Variants in LDB2 observed in about 807,000 individuals in gnomAD.
LDB2 encodes the protein LIM domain binding 2.
In LDB2, 12 loss-of-function variants were observed where a neutral mutation model predicts 44.3. The ratio of observed to expected loss-of-function variants is 0.27; its 90% CI spans 0.17 to 0.44. The LOEUF is 0.44. LDB2 is among the 20% of genes least tolerant of loss of function. The probability of loss-of-function intolerance (pLI) is 1.00; values close to 1 mark genes in which losing one functional copy is unlikely to be tolerated. For synonymous variants in LDB2, 164 were observed against 174.8 expected (o/e 0.94, Z 0.49); for missense variants, 344 against 473.5 (o/e 0.73, Z 2.54).
intron 2 of LDB2, among the ~76,000 whole-genome samples, chr4:16,695,198 G>C (rs1254021791): frequency 1.3e-5 from 2 of 152,130 alleles, no homozygotes; most frequent in East Asian, 3.9e-4. Context: ...GGTACCTACA[G>C]TTTTTTGTCA....
intron 1 of LDB2, among the ~76,000 whole-genome samples, chr4:16,820,801 A>G (rs1055042354): frequency 1.3e-5 from 2 of 152,226 alleles, no homozygotes; most frequent in African/African-American, 4.8e-5. Flanking sequence ...TTTTCTGCAC[A>G]GTACATACTC....
chr4:16,812,881 A>C (rs1469642731), intron 1 of LDB2, among the ~76,000 whole-genome samples: 1 of 152,098 alleles, frequency 6.6e-6, no homozygotes, highest in African/African-American at 2.4e-5. Context: ...TTTCCTCATT[A>C]ATCTTCTAAG....
Position 16,814,127 on chromosome 4 carries a change from T to C in LDB2, c.133-54867A>G, listed in dbSNP as rs562902222. 6.2e-3 allele frequency among the ~76,000 whole-genome samples: 950 copies of C among 152,234 alleles called. 8 individuals carry two copies. The highest frequency in any genetic ancestry group is 0.023 in the South Asian group (112 of 4,826). ...CCTCGTGATCCGCCCGCCTCGGCCT[T>C]CCAAAGTGTTGGGATTACAGGCGTG... On this transcript the variant is annotated intron_variant, in intron 1 of 7. Coordinates refer to ENST00000304523, the MANE Select transcript of LDB2 (RefSeq NM_001290.5).
rs1174748092 is a variant in LDB2, at chr4:16,582,020, A to AG, written c.615+3901dup. The stretch of plus-strand genomic sequence containing the variant: ...AGGAAGGGAAGGAAGGAAGGAAGGA[A>AG]GGAAGGAAGGAAGGAAGGAAGGAAG... On this transcript the variant is annotated intron_variant, in intron 5 of 7. Transcript: ENST00000304523. The surrounding 1 kb of genome is among the most constrained non-coding windows in gnomAD (Gnocchi z 4.8). Among the ~76,000 whole-genome samples, 5 of 150,984 alleles carry AG rather than the reference A, an allele frequency of 3.3e-5. No homozygotes were observed. The highest frequency in any genetic ancestry group is 1.2e-4 in the African/African-American group (5 of 41,212).
At chr4:16,832,955 T>C (rs1388362438) in intron 1 of LDB2, among the ~76,000 whole-genome samples, 1 of 152,214 alleles carries the variant, frequency 6.6e-6, no homozygotes, top group Non-Finnish European at 1.5e-5. Context: ...ACTGAGTGCT[T>C]AACACACAGT....
rs866312840 is a variant in LDB2 at position 16,558,433 on chromosome 4, T to C, written c.615+27489A>G. Reference sequence around the variant, plus strand: ...AGAATGCAAAAGCTTCAGGAGCCGATGCGATCAACTGGAAGAAAGGGTATC... The same window carrying C: ...AGAATGCAAAAGCTTCAGGAGCCGACGCGATCAACTGGAAGAAAGGGTATC... On this transcript the variant is annotated intron_variant, in intron 5 of 7. Transcript: ENST00000304523. Among the ~76,000 whole-genome samples the C allele has an allele frequency of 4.6e-5, 7 of 152,180 alleles. No homozygotes were observed. The South Asian group carries it at 1.2e-3, about 27-fold the overall frequency.
At position 16,621,460 on chromosome 4, in the gene LDB2, C is replaced by T. The variant is rs116729156; in HGVS notation, c.236-25585G>A. 8.1e-3 allele frequency among the ~76,000 whole-genome samples: 1,237 copies of T among 152,308 alleles called. 21 individuals carry two copies. The highest frequency in any genetic ancestry group is 0.028 in the African/African-American group (1,173 of 41,560). On this transcript the variant is annotated intron_variant, in intron 2 of 7. Coordinates refer to ENST00000304523, the MANE Select transcript of LDB2 (RefSeq NM_001290.5). ...GTCGAGAAGATAAAAATTGCCTCCA[C>T]CTCACGTGATCATAAAGGCAAGTTA... is the stretch of plus-strand genomic sequence containing the variant.
At chr4:16,636,289 C>T (rs1486825211) in intron 2 of LDB2, among the ~76,000 whole-genome samples, 7 of 152,282 alleles carry the variant, frequency 4.6e-5, no homozygotes, top group East Asian at 3.9e-4. Flanking sequence ...GAAAACCACA[C>T]AAATGTGTGG....
At chr4:16,597,900 C>T (rs1721445960) in intron 2 of LDB2, among the ~76,000 whole-genome samples, 1 of 152,136 alleles carries the variant, frequency 6.6e-6, no homozygotes. Flanking sequence ...GTAGTAAATA[C>T]ACTTAAAGAG....
intron 1 of LDB2, among the ~76,000 whole-genome samples, chr4:16,833,927 C>G (rs895021899): frequency 1.3e-5 from 2 of 152,196 alleles, no homozygotes; most frequent in African/African-American, 4.8e-5. Flanking sequence ...GATCTTTGTA[C>G]TTGCTCTCTT....
At chr4:16,520,723 G>T (rs991610172) in intron 5 of LDB2, among the ~76,000 whole-genome samples, 1 of 152,118 alleles carries the variant, frequency 6.6e-6, no homozygotes, top group African/African-American at 2.4e-5. Context: ...TTTCACTTTT[G>T]AGGCTGTTGG....
chr4:16,798,222 G>A (rs932903623), intron 1 of LDB2, among the ~76,000 whole-genome samples: 2 of 151,918 alleles, frequency 1.3e-5, no homozygotes, highest in African/African-American at 4.8e-5. Context: ...CTTTTTGAGG[G>A]CTTTCCATGT....
At chr4:16,884,207 A>T (rs1720991224) in intron 1 of LDB2, among the ~76,000 whole-genome samples, 1 of 152,230 alleles carries the variant, frequency 6.6e-6, no homozygotes, top group South Asian at 2.1e-4. Flanking sequence ...ATACTGACTG[A>T]ATCCGTACTA....
chr4:16,621,175 C>T (rs1203106284), intron 2 of LDB2, among the ~76,000 whole-genome samples: 1 of 152,164 alleles, frequency 6.6e-6, no homozygotes, highest in Non-Finnish European at 1.5e-5. Context: ...AACGGGGGAG[C>T]ATATCTCTGA....
intron 5 of LDB2, among the ~76,000 whole-genome samples, chr4:16,555,104 T>G (rs1413205539): frequency 1.3e-5 from 2 of 151,846 alleles, no homozygotes; most frequent in African/African-American, 4.8e-5. Flanking sequence ...GGTTTTTTTT[T>G]TTTTTTTGAA....
intron 5 of LDB2, among the ~76,000 whole-genome samples, chr4:16,516,111 C>T (rs1410594052): frequency 1.3e-5 from 2 of 151,690 alleles, no homozygotes; most frequent in Admixed American, 6.6e-5. Flanking sequence ...ATGATCTGCC[C>T]ACCTCGACCT....
intron 2 of LDB2, among the ~76,000 whole-genome samples, chr4:16,608,813 A>C (rs2152460469): frequency 6.6e-6 from 1 of 152,246 alleles, no homozygotes; most frequent in East Asian, 1.9e-4. Context: ...TGACAGGGAG[A>C]GAGGAACACC....
intron 2 of LDB2, among the ~76,000 whole-genome samples, chr4:16,604,601 T>C (rs917758021): frequency 2.6e-5 from 4 of 151,420 alleles, no homozygotes. Context: ...GCATTCTTTT[T>C]TCTCCTTGAT....
chr4:16,585,891 C>A (rs755591946), intron 5 of LDB2, 31 bp downstream of exon 5: 2 of 1,577,092 alleles, frequency 1.3e-6, no homozygotes, highest in African/African-American at 2.7e-5. Flanking sequence ...TTCAAACTCA[C>A]CAAAAAATAA....
Sources: gnomAD v4.1 joint callset for allele counts (sites outside exome capture counted in the v4.1 genomes callset) on GRCh38, gnomAD v4.1.1 for gene constraint, Gnocchi (gnomAD v3.1) non-coding constraint, MANE v1.5 for transcripts, NCBI Gene and HGNC (gene_info 2026-07-23, HGNC 2026-07-21) for gene names.